Variants in DNAH6 observed in about 807,000 individuals in gnomAD.
The protein encoded by DNAH6 is dynein axonemal heavy chain 6.
DNAH6 carries 340 observed loss-of-function variants against 491.4 expected under a neutral mutation model. The observed-to-expected ratio is 0.69, with a 90% CI of 0.63 to 0.76. The LOEUF (loss-of-function observed/expected upper bound fraction) is 0.76. DNAH6 is among the 30% of genes least tolerant of loss of function. DNAH6 has a pLI of 0.00. For missense variants in DNAH6, 4,443 were observed against 4,972.2 expected, an observed-to-expected ratio of 0.89 and a Z score of 3.20; for synonymous variants, 1,603 against 1,686.1, an observed-to-expected ratio of 0.95 and a Z score of 1.21.
the DNAH6 span, among the ~76,000 whole-genome samples, chr2:84,486,313 C>G: frequency 6.6e-6 from 1 of 152,184 alleles, no homozygotes. Flanking sequence ...ACCTTAAAAG[C>G]CACCAGTGGG....
In DNAH6 at chr2:84,611,704, C is replaced by T. The variant is rs1465433322; in HGVS notation, c.3325C>T (p.Leu1109Phe). 1.3e-6 allele frequency: 2 copies of T among 1,550,892 alleles called. No homozygotes were observed. The highest frequency in any genetic ancestry group is 2.0e-5 in the Admixed American group (1 of 50,966). The change falls in exon 22 of 77, where the codon CTC becomes TTC. Residue 1109 changes from leucine to phenylalanine, a missense_variant. This residue lies in a region of DNAH6 where 2,977 missense variants were observed against 3,296.6 expected (regional missense o/e 0.90). Coordinates refer to ENST00000389394, the MANE Select transcript of DNAH6 (RefSeq NM_001370.2). ...GTGGCTGACCTGCCAGAGAAACTGG[C>T]TCTACCTAGAAAGTATTTTCAATGC... ...EEWLTCQRNW[L>F]YLESIFNAPD... is the part of the protein sequence containing the mutation.
chr2:84,816,080 A>G lies in DNAH6; in HGVS notation c.12370A>G (p.Thr4124Ala). ...TGARAGTLST[T>A]GHSTNFVVTV... is the part of the protein sequence containing the mutation. ...AGCCCGGGCAGGAACACTCTCAACC[A>G]CAGGTGAGGATGTTCTTAAGATTAG... The change falls in exon 76 of 77, where the codon ACA becomes GCA. Residue 4124 changes from threonine to alanine, a missense_variant. Physicochemically the swap from Thr to Ala is moderately conservative, Grantham distance 58. Around this residue, in one of 3 missense-constraint regions of DNAH6, gnomAD observed 1,463 missense variants for 1,656.6 expected, o/e 0.88. Coordinates refer to ENST00000389394, the MANE Select transcript of DNAH6 (RefSeq NM_001370.2). 1.3e-6 allele frequency: 2 copies of G among 1,545,048 alleles called. No individual in the cohort carries two copies. Among genetic ancestry groups the G allele is most frequent in the Non-Finnish European group, 1.8e-6 (2 of 1,141,666 alleles).
At chr2:84,467,413 G>A in the DNAH6 span, among the ~76,000 whole-genome samples, 1 of 152,182 alleles carries the variant, frequency 6.6e-6, no homozygotes, top group East Asian at 1.9e-4. Context: ...ACCTTGACAA[G>A]TTCAAGATTT....
chr2:84,632,169 A>T (rs1477188629), intron 29 of DNAH6, among the ~76,000 whole-genome samples: 1 of 152,244 alleles, frequency 6.6e-6, no homozygotes, highest in Non-Finnish European at 1.5e-5. Flanking sequence ...TCCTGCGTTC[A>T]TGATCAATAT....
At chr2:84,501,109 A>T in the DNAH6 span, among the ~76,000 whole-genome samples, 1 of 152,230 alleles carries the variant, frequency 6.6e-6, no homozygotes, top group Non-Finnish European at 1.5e-5. Flanking sequence ...GTTCCAGATC[A>T]TAGAGGAAAG....
intron 55 of DNAH6, among the ~76,000 whole-genome samples, chr2:84,709,853 C>T (rs563355086): frequency 6.6e-6 from 1 of 152,278 alleles, no homozygotes; most frequent in East Asian, 1.9e-4. Context: ...TTCTGTAGTC[C>T]TTGTTCCTAA....
intron 63 of DNAH6, among the ~76,000 whole-genome samples, chr2:84,762,069 G>T (rs1440587034): frequency 6.6e-6 from 1 of 152,154 alleles, no homozygotes; most frequent in Non-Finnish European, 1.5e-5. Flanking sequence ...AGGCCAGCAA[G>T]AACAGGAATG....
chr2:84,511,976 AATTTTAAAATGT>A (rs1675350729), upstream of DNAH6, among the ~76,000 whole-genome samples: 1 of 152,202 alleles, frequency 6.6e-6, no homozygotes, highest in Non-Finnish European at 1.5e-5. Flanking sequence ...ATGATTGCAG[AATTTTAAAATGT>A]ATTGAGACTT....
At position 84,634,618 on chromosome 2, in the gene DNAH6, A is replaced by G. The variant is rs745747027; in HGVS notation, c.4630A>G (p.Ile1544Val). Residue 1544 changes from isoleucine to valine, a missense_variant, in exon 30 of 77, where the codon ATT (isoleucine) becomes GTT (valine). Ile to Val is a conservative substitution (Grantham distance 29). Coordinates refer to ENST00000389394, the MANE Select transcript of DNAH6 (RefSeq NM_001370.2). ...CGTCATCGCGCAGCAACTCATTACC[A>G]TTAGGAACGCCAAAGCGGCAAAGGT... ...LSVIAQQLIT[I>V]RNAKAAKLSR... 13 of 1,540,698 alleles carry G rather than the reference A, an allele frequency of 8.4e-6. 1 individual carries two copies. In the South Asian group the frequency reaches 1.3e-4, roughly 16 times the overall value.
chr2:84,564,672 C>T (rs540335290), intron 11 of DNAH6, among the ~76,000 whole-genome samples: 9 of 152,182 alleles, frequency 5.9e-5, no homozygotes, highest in African/African-American at 1.9e-4. Context: ...TATTTGTATG[C>T]CTTTTACTTC....
At chr2:84,777,359 A>G (rs971663532) in intron 64 of DNAH6, 1 of 376,994 alleles carries the variant, frequency 2.7e-6, no homozygotes, top group African/African-American at 2.1e-5. Flanking sequence ...AAGATCTGAG[A>G]TTCCATTCTG....
At chr2:84,753,833 T>C (rs1168670171) in intron 63 of DNAH6, among the ~76,000 whole-genome samples, 2 of 150,888 alleles carry the variant, frequency 1.3e-5, no homozygotes, top group Non-Finnish European at 3.0e-5. Flanking sequence ...GTTAATTTTT[T>C]TTTTTTTTTT....
intron 62 of DNAH6, among the ~76,000 whole-genome samples, chr2:84,744,282 T>C (rs904634082): frequency 6.6e-6 from 1 of 152,242 alleles, no homozygotes; most frequent in South Asian, 2.1e-4. Context: ...CCTGTTTCCT[T>C]ACTGGAGAAC....
At chr2:84,794,947 CA>C (rs1678182418) in intron 68 of DNAH6, among the ~76,000 whole-genome samples, 1 of 150,706 alleles carries the variant, frequency 6.6e-6, no homozygotes, top group Non-Finnish European at 1.5e-5. Flanking sequence ...AACAATGATA[CA>C]CTGGATTAAG....
At chr2:84,499,616 A>G in the DNAH6 span, among the ~76,000 whole-genome samples, 65 of 152,304 alleles carry the variant, frequency 4.3e-4, no homozygotes, top group African/African-American at 1.5e-3. Flanking sequence ...GGAACCTCCA[A>G]ACAGTTCTCC....
At chr2:84,578,594 G>A (rs1272164587) in intron 13 of DNAH6, among the ~76,000 whole-genome samples, 9 of 152,174 alleles carry the variant, frequency 5.9e-5, no homozygotes. Context: ...ATTGTCAAAA[G>A]CTCCACAAGC....
chr2:84,741,976 A>C (rs1415534294), intron 62 of DNAH6, among the ~76,000 whole-genome samples: 3 of 152,228 alleles, frequency 2.0e-5, no homozygotes, highest in Non-Finnish European at 4.4e-5. Context: ...CTCCCAGCCC[A>C]GTCAGTTCCT....
chr2:84,540,200 A>G (rs1222433484), intron 4 of DNAH6, among the ~76,000 whole-genome samples: 3 of 152,196 alleles, frequency 2.0e-5, no homozygotes, highest in Non-Finnish European at 2.9e-5. Context: ...AGACAGATGT[A>G]TGCATTCAAG....
At chr2:84,765,877 A>G (rs1339283775) in intron 64 of DNAH6, among the ~76,000 whole-genome samples, 2 of 152,092 alleles carry the variant, frequency 1.3e-5, no homozygotes, top group East Asian at 1.9e-4. Context: ...AATTCAAAAG[A>G]TATATGCCAT....
Sources: gnomAD v4.1 joint callset for allele counts (sites outside exome capture counted in the v4.1 genomes callset) on GRCh38, gnomAD v4.1.1 for gene constraint, gnomAD v4.1.1 regional missense constraint, MANE v1.5 for transcripts, NCBI Gene and HGNC (gene_info 2026-07-23, HGNC 2026-07-21) for gene names.